GRAMD4: variants seen among roughly 807,000 people sequenced by gnomAD.
GRAMD4 encodes the protein GRAM domain-containing protein 4.
A neutral mutation model predicts 83.9 loss-of-function variants in GRAMD4; 25 were observed. The ratio of observed to expected loss-of-function variants is 0.30; its 90% CI spans 0.22 to 0.42. The LOEUF is 0.42. Ranked by LOEUF, GRAMD4 falls within the 10% of genes least tolerant of loss-of-function variation. The pLI is 1.00. For synonymous variants in GRAMD4, 336 were observed against 320.9 expected, an observed-to-expected ratio of 1.05 and a Z score of -0.50; for missense variants, 593 against 788.7, an observed-to-expected ratio of 0.75 and a Z score of 2.97.
intron 3 of GRAMD4, among the ~76,000 whole-genome samples, chr22:46,639,153 A>AGTGTGTGT (rs3081630): frequency 3.9e-4 from 59 of 149,726 alleles, no homozygotes; most frequent in East Asian, 1.8e-3. Context: ...TGTGTGCGTG[A>AGTGTGTGT]GTGTGTGTGT....
At chr22:46,610,903 C>T (rs1368870551) in intron 1 of GRAMD4, among the ~76,000 whole-genome samples, 1 of 152,162 alleles carries the variant, frequency 6.6e-6, no homozygotes, top group Admixed American at 6.5e-5. Flanking sequence ...TTCTTGCCAG[C>T]TTTGTTTTCT....
intron 1 of GRAMD4, among the ~76,000 whole-genome samples, chr22:46,585,380 G>A (rs2081139645): frequency 6.6e-6 from 1 of 152,102 alleles, no homozygotes; most frequent in South Asian, 2.1e-4. Flanking sequence ...AGTAGAGTCG[G>A]AGTTTCTCCA....
chr22:46,580,389 T>C (rs2081085725), intron 1 of GRAMD4, among the ~76,000 whole-genome samples: 2 of 152,188 alleles, frequency 1.3e-5, no homozygotes, highest in African/African-American at 2.4e-5. Context: ...TTCTTTGCCT[T>C]TTGGTGGCAC....
chr22:46,650,360 T>C (rs13057864), intron 3 of GRAMD4, among the ~76,000 whole-genome samples: 28 of 122,986 alleles, frequency 2.3e-4, no homozygotes, highest in African/African-American at 3.9e-4. Flanking sequence ...GAGGGCTGCG[T>C]GTCGAGGCTG....
intron 1 of GRAMD4, among the ~76,000 whole-genome samples, chr22:46,591,305 C>G (rs980603023): frequency 2.0e-5 from 3 of 151,984 alleles, no homozygotes; most frequent in South Asian, 4.2e-4. Context: ...ATTGCGTGAG[C>G]TCAGGAGTTT....
intron 7 of GRAMD4, 71 bp downstream of exon 7, chr22:46,663,934 T>G: frequency 6.3e-7 from 1 of 1,586,734 alleles, no homozygotes; most frequent in Non-Finnish European, 8.7e-7. Context: ...GTGGGGACTC[T>G]GGGATTCTGA....
intron 2 of GRAMD4, among the ~76,000 whole-genome samples, chr22:46,629,220 A>C (rs1413842302): frequency 6.6e-6 from 1 of 152,122 alleles, no homozygotes; most frequent in Non-Finnish European, 1.5e-5. Context: ...GACCAGGCTG[A>C]GTTCCTTAGC....
At chr22:46,658,887 A>G (rs2082285669) in intron 4 of GRAMD4, among the ~76,000 whole-genome samples, 1 of 149,022 alleles carries the variant, frequency 6.7e-6, no homozygotes, top group Non-Finnish European at 1.5e-5. Flanking sequence ...TCTGCACCTG[A>G]CATCTTTGCT....
In GRAMD4 at chr22:46,673,736, G is replaced by C; in HGVS notation, c.1306G>C (p.Ala436Pro). Residue 436 changes from alanine to proline, a missense_variant, in exon 15 of 19, where the codon GCC becomes CCC. Around this residue, in one of 4 missense-constraint regions of GRAMD4, gnomAD observed 171 missense variants for 199.6 expected, o/e 0.86. Transcript: ENST00000406902. ...APAGLGKEED[A>P]GRFHSTKKGN... The stretch of plus-strand genomic sequence containing the variant: ...GGCCGGCCTGGGTAAAGAGGAGGAC[G>C]CCGGTCGCTTCCACAGCACCAAGAA... The C allele has an allele frequency of 6.2e-7, 1 of 1,612,912 alleles. No homozygotes were observed. The highest frequency in any genetic ancestry group is 8.5e-7 in the Non-Finnish European group (1 of 1,179,910).
chr22:46,632,661 A>G (rs1305558362), intron 2 of GRAMD4, among the ~76,000 whole-genome samples: 1 of 152,152 alleles, frequency 6.6e-6, no homozygotes, highest in African/African-American at 2.4e-5. Context: ...GTGTCCCAAT[A>G]GGAGACCCCT....
In GRAMD4 at chr22:46,621,735, G is replaced by A. The variant is rs2081579067; in HGVS notation, c.-50+1170G>A. On this transcript the variant is annotated intron_variant, in intron 1 of 18. Transcript: ENST00000406902. This position sits in a 1 kb window ranked among gnomAD's most constrained non-coding sequence, Gnocchi z 5.8. ...CGTCCCTGGCGCTGTGTCGCGGAGG[G>A]CACCCCTACCCCGGTGCAGGCGCAG... 1.3e-5 allele frequency among the ~76,000 whole-genome samples: 2 copies of A among 151,416 alleles called. No individual in the cohort carries two copies. The highest frequency in any genetic ancestry group is 2.9e-5 in the Non-Finnish European group (2 of 67,958).
chr22:46,613,607 T>A (rs2081439605), intron 1 of GRAMD4, among the ~76,000 whole-genome samples: 1 of 150,512 alleles, frequency 6.6e-6, no homozygotes, highest in South Asian at 2.1e-4. Flanking sequence ...GGGAAGGCCG[T>A]CTCGGACAGA....
chr22:46,626,362 C>T (rs559313054), intron 1 of GRAMD4, among the ~76,000 whole-genome samples: 16 of 152,292 alleles, frequency 1.1e-4, no homozygotes, highest in African/African-American at 2.6e-4. Context: ...TCTTCCCTTG[C>T]GCCTGCGCGC....
At chr22:46,644,697 G>GTTTTTTTTTT (rs71192437) in intron 3 of GRAMD4, among the ~76,000 whole-genome samples, 1 of 97,368 alleles carries the variant, frequency 1.0e-5, no homozygotes, top group African/African-American at 4.0e-5. Flanking sequence ...CTTGTTCCCT[G>GTTTTTTTTTT]TTTTTTTTTT....
intron 1 of GRAMD4, among the ~76,000 whole-genome samples, chr22:46,585,114 C>T (rs899710793): frequency 6.6e-6 from 1 of 152,034 alleles, no homozygotes; most frequent in Non-Finnish European, 1.5e-5. Context: ...GTGGTCACTC[C>T]TCGTCTGCTG....
In GRAMD4 at chr22:46,622,486, G is replaced by T. The variant is rs1164884552; in HGVS notation, c.-50+1921G>T. Among the ~76,000 whole-genome samples, 1 of 152,184 alleles carries T rather than the reference G, an allele frequency of 6.6e-6. No individual in the cohort carries two copies. Among genetic ancestry groups the T allele is most frequent in the African/African-American group, 2.4e-5 (1 of 41,420 alleles). On this transcript the variant is annotated intron_variant, in intron 1 of 18. Transcript: ENST00000406902. The surrounding 1 kb of genome is among the most constrained non-coding windows in gnomAD (Gnocchi z 4.0). ...TAAACATTAAAAAGCAGTAAAAATG[G>T]TGGTTACCGGGGGCTTGGGGAGGGC...
chr22:46,583,404 A>T (rs925059455), intron 1 of GRAMD4, among the ~76,000 whole-genome samples: 8 of 152,208 alleles, frequency 5.3e-5, no homozygotes, highest in Non-Finnish European at 1.0e-4. Context: ...CAAAGTACAT[A>T]GTTTGTTCAG....
intron 1 of GRAMD4, among the ~76,000 whole-genome samples, chr22:46,578,771 C>T (rs1375412258): frequency 1.3e-5 from 2 of 152,234 alleles, no homozygotes; most frequent in African/African-American, 4.8e-5. Context: ...GCACACCCTT[C>T]CGAAGACCCC....
intron 1 of GRAMD4, among the ~76,000 whole-genome samples, chr22:46,611,867 G>T (rs571439182): frequency 6.6e-6 from 1 of 151,098 alleles, no homozygotes. Flanking sequence ...CATGGTGGGG[G>T]GCACCTATAG....
Sources: allele counts gnomAD v4.1 joint callset (sites outside exome capture counted in the v4.1 genomes callset), GRCh38; gene constraint gnomAD v4.1.1; regional missense constraint gnomAD v4.1.1; non-coding constraint Gnocchi (gnomAD v3.1); transcripts MANE v1.5; gene names NCBI Gene and HGNC (gene_info 2026-07-23, HGNC 2026-07-21).